NAALADL2: variants seen among roughly 807,000 people sequenced by gnomAD.
The protein encoded by NAALADL2 is inactive N-acetylated-alpha-linked acidic dipeptidase-like protein 2.
A neutral mutation model predicts 87.2 loss-of-function variants in NAALADL2; 76 were observed. The observed-to-expected ratio is 0.87, with a 90% confidence interval of 0.72 to 1.05. NAALADL2 has a LOEUF of 1.05. Ranked by LOEUF, NAALADL2 falls within the 50% of genes least tolerant of loss-of-function variation. NAALADL2 has a pLI of 0.00. For synonymous variants in NAALADL2, 354 were observed against 331.0 expected (o/e 1.07, Z -0.75); for missense variants, 1,089 against 945.8 (o/e 1.15, Z -1.99).
intron 5 of NAALADL2, among the ~76,000 whole-genome samples, chr3:175,423,203 ATTTATT>A (rs1264065403): frequency 3.2e-4 from 46 of 143,878 alleles, no homozygotes; most frequent in Non-Finnish European, 4.6e-4. Flanking sequence ...ACAAAGAAGA[ATTTATT>A]TTTCTTTTTT....
chr3:175,785,510 G>GAGACT (rs1195952059), intron 13 of NAALADL2, among the ~76,000 whole-genome samples: 1 of 128,772 alleles, frequency 7.8e-6, no homozygotes, highest in African/African-American at 3.3e-5. Flanking sequence ...TGTTTTATCA[G>GAGACT]AGACTAGGAT....
intron 9 of NAALADL2, among the ~76,000 whole-genome samples, chr3:175,505,355 C>A (rs1214235289): frequency 1.3e-5 from 2 of 152,058 alleles, no homozygotes; most frequent in Admixed American, 6.6e-5. Context: ...CCCCAACTAC[C>A]ATCTAACAAA....
intron 1 of NAALADL2, among the ~76,000 whole-genome samples, chr3:175,034,318 C>A (rs1753149021): frequency 1.3e-5 from 2 of 152,232 alleles, no homozygotes; most frequent in South Asian, 4.1e-4. Context: ...AAGCCAGATA[C>A]AAGTTCTGAT....
chr3:175,043,396 G>T (rs1418544352), intron 1 of NAALADL2, among the ~76,000 whole-genome samples: 1 of 151,976 alleles, frequency 6.6e-6, no homozygotes. Flanking sequence ...GCGCCACGAT[G>T]CCTGGCTAAA....
At chr3:174,448,539 T>C (rs367687477) in intron 1 of NAALADL2, among the ~76,000 whole-genome samples, 1 of 152,164 alleles carries the variant, frequency 6.6e-6, no homozygotes, top group Non-Finnish European at 1.5e-5. Context: ...ATTTTTAGAA[T>C]GGAGGAGAAT....
intron 2 of NAALADL2, among the ~76,000 whole-genome samples, chr3:175,212,234 A>C (rs1741865131): frequency 6.6e-6 from 1 of 151,968 alleles, no homozygotes; most frequent in South Asian, 2.1e-4. Context: ...CATTAATGCT[A>C]GTTTATTTCA....
chr3:174,620,463 C>T (rs1020273886), intron 2 of NAALADL2, among the ~76,000 whole-genome samples: 11 of 151,586 alleles, frequency 7.3e-5, no homozygotes, highest in Non-Finnish European at 1.6e-4. Context: ...CAACTGGCTA[C>T]TAAGTTAATA....
intron 1 of NAALADL2, among the ~76,000 whole-genome samples, chr3:174,887,810 T>A (rs1287564502): frequency 6.7e-6 from 1 of 149,812 alleles, no homozygotes; most frequent in Admixed American, 6.6e-5. Context: ...AAATTATTTT[T>A]GCTTGAGCAT....
In NAALADL2 at chr3:174,625,779, G is replaced by A. The variant is rs150234734; in HGVS notation, c.-115+75142G>A. On this transcript the variant is annotated intron_variant, in intron 2 of 3. Coordinates refer to the NAALADL2 transcript ENST00000434257. The stretch of plus-strand genomic sequence containing the variant: ...TTATAACAAAAAATGTTTACAATAT[G>A]TTATGTTGAGAAGTGATGCAGAACT... Among the ~76,000 whole-genome samples, 1,012 of 152,054 alleles carry A rather than the reference G, an allele frequency of 6.7e-3. 9 individuals are homozygous for A. Among genetic ancestry groups the A allele is most frequent in the African/African-American group, 0.023 (961 of 41,520 alleles).
chr3:174,786,392 A>C (rs1404392771), intron 3 of NAALADL2, among the ~76,000 whole-genome samples: 2 of 149,150 alleles, frequency 1.3e-5, no homozygotes, highest in African/African-American at 5.0e-5. Context: ...TGGAGGTTGC[A>C]GTGAGCCGAG....
At chr3:174,856,999 TCTC>T (rs906287257), upstream of NAALADL2, among the ~76,000 whole-genome samples, 7 of 152,126 alleles carry the variant, frequency 4.6e-5, no homozygotes, top group African/African-American at 1.7e-4. Flanking sequence ...TGGAATGTAT[TCTC>T]CTGAGGTTAA....
intron 1 of NAALADL2, among the ~76,000 whole-genome samples, chr3:174,508,548 T>C (rs1399910560): frequency 6.6e-6 from 1 of 152,202 alleles, no homozygotes; most frequent in Non-Finnish European, 1.5e-5. Flanking sequence ...TGTTGGTCAA[T>C]AGAACAATTT....
chr3:175,793,602 A>G (rs1753090817), intron 13 of NAALADL2, among the ~76,000 whole-genome samples: 1 of 152,114 alleles, frequency 6.6e-6, no homozygotes, highest in African/African-American at 2.4e-5. Context: ...GGCGTGAGCC[A>G]CTGCACCTGG....
At chr3:174,918,987 TA>T (rs1734781860) in intron 1 of NAALADL2, among the ~76,000 whole-genome samples, 1 of 152,000 alleles carries the variant, frequency 6.6e-6, no homozygotes, top group South Asian at 2.1e-4. Flanking sequence ...TCGGTGCATA[TA>T]AATGTTATGA....
chr3:174,567,853 A>G (rs1162093986), intron 2 of NAALADL2, among the ~76,000 whole-genome samples: 1 of 151,748 alleles, frequency 6.6e-6, no homozygotes, highest in African/African-American at 2.4e-5. Flanking sequence ...CATTATTACT[A>G]ATACAGAGAT....
chr3:174,636,922 G>A (rs1722708797), intron 2 of NAALADL2, among the ~76,000 whole-genome samples: 1 of 151,982 alleles, frequency 6.6e-6, no homozygotes, highest in African/African-American at 2.4e-5. Context: ...CTCAACATAA[G>A]TTTCCAGCAA....
At chr3:175,184,247 A>G (rs916908431) in intron 2 of NAALADL2, among the ~76,000 whole-genome samples, 16 of 152,244 alleles carry the variant, frequency 1.1e-4, no homozygotes, top group Admixed American at 3.9e-4. Context: ...TGTTTGATTA[A>G]TTCTCCTTTA....
At chr3:175,602,829 C>T (rs1723159217) in intron 10 of NAALADL2, among the ~76,000 whole-genome samples, 1 of 152,136 alleles carries the variant, frequency 6.6e-6, no homozygotes, top group Non-Finnish European at 1.5e-5. Context: ...TTCAAGCTTA[C>T]AGAAAAGTTG....
At chr3:175,480,018 A>G (rs2149316249) in intron 9 of NAALADL2, among the ~76,000 whole-genome samples, 1 of 151,906 alleles carries the variant, frequency 6.6e-6, no homozygotes, top group South Asian at 2.1e-4. Context: ...GAGGAAGTGA[A>G]TATTTTTATG....
Sources: gnomAD v4.1 joint callset for allele counts (sites outside exome capture counted in the v4.1 genomes callset) on GRCh38, gnomAD v4.1.1 for gene constraint, MANE v1.5 for transcripts, NCBI Gene and HGNC (gene_info 2026-07-23, HGNC 2026-07-21) for gene names.